Variants in FGF12 observed in about 807,000 individuals in gnomAD.
FGF12 encodes the protein fibroblast growth factor 12B.
In FGF12, 14 loss-of-function variants were observed where a neutral mutation model predicts 23.6. The ratio of observed to expected loss-of-function variants is 0.59; its 90% CI spans 0.39 to 0.93. The LOEUF is 0.93. Among genes scored for constraint, FGF12 ranks in the 40% least tolerant of loss-of-function variants. FGF12 has a pLI of 0.00. For synonymous variants in FGF12, 62 were observed against 77.3 expected (o/e 0.80, Z 1.04); for missense variants, 175 against 217.8 (o/e 0.80, Z 1.24).
At chr3:192,406,549 T>C (rs956223055) in intron 2 of FGF12, among the ~76,000 whole-genome samples, 2 of 152,168 alleles carry the variant, frequency 1.3e-5, no homozygotes, top group African/African-American at 4.8e-5. Context: ...ATTCAAACTA[T>C]TGCATAAATC....
At chr3:192,237,136 T>A (rs908285193) in intron 4 of FGF12, among the ~76,000 whole-genome samples, 1 of 152,234 alleles carries the variant, frequency 6.6e-6, no homozygotes, top group Admixed American at 6.5e-5. Context: ...AAATTTCTTT[T>A]CTTTAAAGAT....
chr3:192,690,862 G>A (rs1717922781), intron 2 of FGF12, among the ~76,000 whole-genome samples: 1 of 151,970 alleles, frequency 6.6e-6, no homozygotes, highest in Non-Finnish European at 1.5e-5. Flanking sequence ...AGTGCAAATG[G>A]AAACTTAAAG....
At chr3:192,296,048 CTTTG>C (rs1349753672) in intron 4 of FGF12, among the ~76,000 whole-genome samples, 4 of 135,806 alleles carry the variant, frequency 2.9e-5, no homozygotes, top group African/African-American at 1.1e-4. Context: ...TGCTGACTAA[CTTTG>C]TTTTTCTTTC....
chr3:192,316,878 A>G (rs1716253107), intron 4 of FGF12, among the ~76,000 whole-genome samples: 1 of 151,996 alleles, frequency 6.6e-6, no homozygotes, highest in Non-Finnish European at 1.5e-5. Context: ...AGTAAAGAAA[A>G]CTTTCCCTTA....
At chr3:192,307,415 G>A (rs955709887) in intron 4 of FGF12, among the ~76,000 whole-genome samples, 4 of 152,136 alleles carry the variant, frequency 2.6e-5, no homozygotes, top group Non-Finnish European at 5.9e-5. Context: ...GCTAATTGTG[G>A]TGAATATTAG....
intron 4 of FGF12, among the ~76,000 whole-genome samples, chr3:192,310,368 A>G (rs902896005): frequency 1.3e-5 from 2 of 152,192 alleles, no homozygotes; most frequent in South Asian, 2.1e-4. Flanking sequence ...TAATTATAGA[A>G]AGTATGTCTT....
intron 4 of FGF12, among the ~76,000 whole-genome samples, chr3:192,314,921 A>G (rs1055633203): frequency 6.6e-6 from 1 of 152,194 alleles, no homozygotes; most frequent in African/African-American, 2.4e-5. Context: ...AGAAGGTTAA[A>G]TAGGTGCCAC....
intron 2 of FGF12, among the ~76,000 whole-genome samples, chr3:192,669,436 AT>A (rs34814596): frequency 0.46 from 69,318 of 151,106 alleles, 16,362 homozygotes; most frequent in East Asian, 0.66. Flanking sequence ...AAATACAAAA[AT>A]TTAGCTGGGC....
intron 2 of FGF12, among the ~76,000 whole-genome samples, chr3:192,469,209 T>A (rs554561982): frequency 6.6e-6 from 1 of 152,302 alleles, no homozygotes; most frequent in South Asian, 2.1e-4. Flanking sequence ...TCCTGGCTCT[T>A]TTTATGAAAG....
intron 2 of FGF12, among the ~76,000 whole-genome samples, chr3:192,570,033 C>G (rs951699821): frequency 5.9e-5 from 9 of 152,076 alleles, no homozygotes; most frequent in Admixed American, 2.0e-4. Context: ...GCAGAAGTTC[C>G]AAAGGCAAGT....
intron 2 of FGF12, among the ~76,000 whole-genome samples, chr3:192,406,134 T>A (rs1720948146): frequency 6.6e-6 from 1 of 152,094 alleles, no homozygotes; most frequent in Admixed American, 6.6e-5. Flanking sequence ...AAATCTCTGT[T>A]TTCTAATGAG....
chr3:192,586,389 C>A (rs1217192790), intron 2 of FGF12, among the ~76,000 whole-genome samples: 2 of 152,140 alleles, frequency 1.3e-5, no homozygotes, highest in Non-Finnish European at 2.9e-5. Flanking sequence ...ATTTCCATAT[C>A]TATATATGGG....
intron 2 of FGF12, among the ~76,000 whole-genome samples, chr3:192,426,658 G>T (rs1177071234): frequency 6.6e-6 from 1 of 152,132 alleles, no homozygotes; most frequent in Non-Finnish European, 1.5e-5. Context: ...GATAAAAAGT[G>T]TAATACAAAA....
At chr3:192,486,055 G>A (rs980443546) in intron 2 of FGF12, among the ~76,000 whole-genome samples, 5 of 152,088 alleles carry the variant, frequency 3.3e-5, no homozygotes, top group African/African-American at 1.2e-4. Flanking sequence ...TAAAAAGTGA[G>A]TCCTTTACCT....
intron 3 of FGF12, among the ~76,000 whole-genome samples, chr3:192,346,455 A>G (rs1411688837): frequency 6.6e-6 from 1 of 152,126 alleles, no homozygotes; most frequent in Non-Finnish European, 1.5e-5. Flanking sequence ...GTTGATCACT[A>G]TGGCTTTTGA....
chr3:192,197,027 A>G (rs67995958), intron 4 of FGF12, among the ~76,000 whole-genome samples: 13,778 of 152,262 alleles, frequency 0.09, 669 homozygotes, highest in East Asian at 0.13. Flanking sequence ...CCAGAAATCT[A>G]AGGAAAGGTA....
At chr3:192,624,737 T>C (rs1715102223) in intron 2 of FGF12, among the ~76,000 whole-genome samples, 1 of 152,190 alleles carries the variant, frequency 6.6e-6, no homozygotes, top group South Asian at 2.1e-4. Context: ...TATGTGTGTA[T>C]ACAATGATTG....
intron 4 of FGF12, among the ~76,000 whole-genome samples, chr3:192,241,626 C>T (rs563428929): frequency 2.6e-5 from 4 of 151,968 alleles, no homozygotes; most frequent in Admixed American, 2.6e-4. Context: ...TCTCTCTCTC[C>T]AAAGTAGGTA....
Position 192,349,241 on chromosome 3 carries a change from G to A in FGF12, c.124+11187C>T, listed in dbSNP as rs77819738. ...GCAATCAGTAACTTATGTTGAAGAC[G>A]GAGCACAGGATATGGATATAGTAGA... On this transcript the variant is annotated intron_variant, in intron 3 of 5. Transcript: ENST00000445105. Among the ~76,000 whole-genome samples the A allele has an allele frequency of 5.7e-4, 87 of 152,126 alleles. 3 individuals carry two copies. The East Asian group carries it at 0.016, about 28-fold the overall frequency.
Sources: gnomAD v4.1 joint callset for allele counts (sites outside exome capture counted in the v4.1 genomes callset) on GRCh38, gnomAD v4.1.1 for gene constraint, MANE v1.5 for transcripts, NCBI Gene and HGNC (gene_info 2026-07-23, HGNC 2026-07-21) for gene names.